MPZ: variants seen among roughly 807,000 people sequenced by gnomAD.
MPZ encodes myelin protein P0.
In MPZ, 13 loss-of-function variants were observed where a neutral mutation model predicts 27.9. The observed-to-expected ratio is 0.47, with a 90% CI of 0.30 to 0.74. The LOEUF (loss-of-function observed/expected upper bound fraction) is 0.74. Ranked by LOEUF, MPZ falls within the 30% of genes least tolerant of loss-of-function variation. The pLI is 0.06. For missense variants in MPZ, 256 were observed against 317.5 expected (o/e 0.81, Z 1.47); for synonymous variants, 118 against 128.9 (o/e 0.92, Z 0.57).
intron 2 of MPZ, among the ~76,000 whole-genome samples, 160 bp downstream of exon 2, chr1:161,307,098 G>C (rs527924097): frequency 6.6e-6 from 1 of 152,080 alleles, no homozygotes; most frequent in East Asian, 1.9e-4. Flanking sequence ...CTGGAGAAGG[G>C]AGGACAATGT....
intron 1 of MPZ, among the ~76,000 whole-genome samples, chr1:161,307,808 CTT>C (rs1474420145): frequency 2.0e-5 from 3 of 152,154 alleles, no homozygotes; most frequent in Non-Finnish European, 4.4e-5. Flanking sequence ...ATATTGTACT[CTT>C]CTTATAAACT....
chr1:161,307,750 G>A (rs1453477006), intron 1 of MPZ, among the ~76,000 whole-genome samples: 1 of 152,184 alleles, frequency 6.6e-6, no homozygotes, highest in Admixed American at 6.5e-5. Context: ...TCCTTTAGAT[G>A]CAGTGTTCTA....
chr1:161,304,623 C>T (rs1276348852), downstream of MPZ: 1 of 152,542 alleles, frequency 6.6e-6, no homozygotes, highest in Non-Finnish European at 1.5e-5. Context: ...TATATAAGCC[C>T]ACCCCAAAAA....
Position 161,305,916 on chromosome 1 carries a change from T to G in MPZ, c.707A>C (p.Lys236Thr). The G allele has an allele frequency of 6.2e-7, 1 of 1,612,248 alleles. No homozygotes were observed. Among genetic ancestry groups the G allele is most frequent in the South Asian group, 1.1e-5 (1 of 91,026 alleles). Residue 236 changes from lysine to threonine, a missense_variant, in exon 6 of 6, where the codon AAG becomes ACG. Coordinates refer to ENST00000533357, the MANE Select transcript of MPZ (RefSeq NM_000530.8). ...GCGAGACTCCCCCAGCCCCTTGGCC[T>G]TCTTCTCACTGACAGCTTTGGTGCT... is the stretch of plus-strand genomic sequence containing the variant. The part of the protein sequence containing the change: ...SRSTKAVSEK[K>T]AKGLGESRKD...
rs1571818770 is a variant in MPZ at position 161,306,754 on chromosome 1, G to A, written c.402C>T (p.Asp134=). ...TGACCTGAGAGGTCTTGCCCACTAT[G>A]TCTGGAGGGTTTTTGACGTCACAAG... ...TFTCDVKNPP[D]IVGKTSQVTL... The change falls in exon 3 of 6, where the codon GAC becomes GAT. Residue 134 remains aspartate (D), a synonymous_variant. Transcript: ENST00000533357. The A allele has an allele frequency of 1.9e-6, 3 of 1,613,948 alleles. No individual in the cohort carries two copies. The highest frequency in any genetic ancestry group is 2.5e-6 in the Non-Finnish European group (3 of 1,180,026).
intron 2 of MPZ, 152 bp from the exon 3 acceptor site, chr1:161,307,073 C>T: frequency 1.3e-6 from 1 of 748,018 alleles, no homozygotes; most frequent in Non-Finnish European, 2.1e-6. Flanking sequence ...GGATCTTGGG[C>T]TGGAAAGGGT....
intron 1 of MPZ, among the ~76,000 whole-genome samples, chr1:161,309,535 C>CTCATATAT (rs1553259988): frequency 8.9e-6 from 1 of 112,402 alleles, no homozygotes; most frequent in African/African-American, 3.8e-5. Context: ...TTTTTCTTTT[C>CTCATATAT]ATATATATAT....
chr1:161,309,633 T>C (rs1448441585), intron 1 of MPZ, among the ~76,000 whole-genome samples: 4 of 150,092 alleles, frequency 2.7e-5, no homozygotes, highest in Middle Eastern at 3.4e-3. Flanking sequence ...CTCAAATAAT[T>C]ATCCCACCTT....
chr1:161,305,579 G>A lies in MPZ; in HGVS notation c.*297C>T, dbSNP rs1670213321. ...TGAAACTTACATCTCAAAGGGAGGT[G>A]AGGGCAGGGCAGGGCGGGGGAGCAA... is the stretch of plus-strand genomic sequence containing the variant. On this transcript the variant is annotated 3_prime_UTR_variant, in exon 6 of 6. Coordinates refer to ENST00000533357, the MANE Select transcript of MPZ (RefSeq NM_000530.8). 4.5e-6 allele frequency: 2 copies of A among 447,676 alleles called. No homozygotes were observed. The highest frequency in any genetic ancestry group is 3.8e-5 in the East Asian group (1 of 26,340). 27.7% of individuals were successfully genotyped at this position (447,676 alleles called of 1,614,324 possible).
At chr1:161,306,520 C>T in intron 3 of MPZ, 56 bp from the exon 4 acceptor site, 4 of 1,611,722 alleles carry the variant, frequency 2.5e-6, no homozygotes, top group Admixed American at 1.7e-5. Context: ...ATCTGTGGTT[C>T]CTAGTCCGAG....
chr1:161,309,552 A>ATATTTTTTTTTTTTTTTTTTTTTTTTT, intron 1 of MPZ, among the ~76,000 whole-genome samples: 7 of 80,662 alleles, frequency 8.7e-5, no homozygotes, highest in African/African-American at 1.7e-4. Flanking sequence ...ATATATATAT[A>ATATTTTTTTTTTTTTTTTTTTTTTTTT]TTTTTTTTTT....
intron 1 of MPZ, among the ~76,000 whole-genome samples, chr1:161,309,295 G>T (rs1370300430): frequency 6.6e-6 from 1 of 151,962 alleles, no homozygotes; most frequent in Non-Finnish European, 1.5e-5. Flanking sequence ...TAAGGTTAAG[G>T]CACCTCCTGC....
intron 1 of MPZ, among the ~76,000 whole-genome samples, chr1:161,308,727 TCA>T (rs1249418634): frequency 2.0e-5 from 3 of 152,158 alleles, no homozygotes; most frequent in African/African-American, 7.2e-5. Context: ...ATTGCCCTTC[TCA>T]GCTGTGCTCA....
Position 161,305,751 on chromosome 1 carries a change from T to C in MPZ, c.*125A>G. On this transcript the variant is annotated 3_prime_UTR_variant, in exon 6 of 6. Coordinates refer to ENST00000533357, the MANE Select transcript of MPZ (RefSeq NM_000530.8). ...TTTGAGGCTGGTTCTGCTGGGGGAC[T>C]TGACAGCAGGCCGGAGCTCCGGGCT... 1 of 700,342 alleles carries C rather than the reference T, an allele frequency of 1.4e-6. No individual in the cohort carries two copies. The allele number at this position is 700,342 out of a possible 1,614,324, so 43.4% of individuals were successfully genotyped here.
Position 161,304,922 on chromosome 1 carries a change from G to A in MPZ, c.*954C>T, listed in dbSNP as rs372340608. ...GGTTGTTTAAAAACCATTTCTTAAG[G>A]CTCATTTGCCCCCTCCCCCACTCCC... On this transcript the variant is annotated 3_prime_UTR_variant, in exon 6 of 6. Transcript: ENST00000533357. The A allele has an allele frequency of 7.8e-6, 1 of 127,812 alleles. No homozygotes were observed. The highest frequency in any genetic ancestry group is 1.6e-5 in the Non-Finnish European group (1 of 62,042). 7.9% of individuals were successfully genotyped at this position (127,812 alleles called of 1,614,324 possible).
chr1:161,305,625 G>C lies in MPZ; in HGVS notation c.*251C>G, dbSNP rs772995394. Reference sequence around the variant, plus strand: ...AGCAAAGAGGGAAAGCACCTAGACGGGGGTAAGAGGAGCCTAGGTCCCCCT... The same window carrying C: ...AGCAAAGAGGGAAAGCACCTAGACGCGGGTAAGAGGAGCCTAGGTCCCCCT... On this transcript the variant is annotated 3_prime_UTR_variant, in exon 6 of 6. Coordinates refer to ENST00000533357, the MANE Select transcript of MPZ (RefSeq NM_000530.8). The C allele has an allele frequency of 9.6e-5, 53 of 551,866 alleles. No homozygotes were observed. Among genetic ancestry groups the C allele is most frequent in the Non-Finnish European group, 1.5e-4 (47 of 311,778 alleles). The allele number at this position is 551,866 out of a possible 1,614,324, so 34.2% of individuals were successfully genotyped here. A position where few individuals can be genotyped will look rare whatever the true frequency, so the allele number is the denominator to read the frequency against.
intron 1 of MPZ, among the ~76,000 whole-genome samples, chr1:161,309,550 A>ATTTTTTTTTTTTT (rs202225246): frequency 4.9e-5 from 4 of 82,446 alleles, no homozygotes; most frequent in African/African-American, 1.1e-4. Flanking sequence ...ATATATATAT[A>ATTTTTTTTTTTTT]TATTTTTTTT....
intron 1 of MPZ, 112 bp from the exon 2 acceptor site, chr1:161,307,536 G>A (rs1225955639): frequency 9.0e-6 from 11 of 1,222,084 alleles, no homozygotes; most frequent in Non-Finnish European, 1.3e-5. Flanking sequence ...GGCCAATTTG[G>A]AAAAGAAACA....
intron 1 of MPZ, 138 bp from the exon 2 acceptor site, chr1:161,307,562 C>G (rs945003492): frequency 3.4e-6 from 3 of 893,574 alleles, no homozygotes; most frequent in Non-Finnish European, 5.3e-6. Context: ...TTCTGAGCCC[C>G]AAGTCTCTGG....
Sources: allele counts gnomAD v4.1 joint callset (sites outside exome capture counted in the v4.1 genomes callset), GRCh38; gene constraint gnomAD v4.1.1; transcripts MANE v1.5; gene names NCBI Gene and HGNC (gene_info 2026-07-23, HGNC 2026-07-21).